The following ONECUT1 variants were observed in gnomAD, a reference collection of about 807,000 sequenced individuals.
ONECUT1 encodes the protein hepatocyte nuclear factor 6.
In ONECUT1, 12 loss-of-function variants were observed where a neutral mutation model predicts 25.6. The ratio of observed to expected loss-of-function variants is 0.47; its 90% CI spans 0.30 to 0.76. The LOEUF is 0.76. Ranked by LOEUF, ONECUT1 falls within the 30% of genes least tolerant of loss-of-function variation. ONECUT1 has a pLI of 0.07. For synonymous variants in ONECUT1, 285 were observed against 270.2 expected (o/e 1.05, Z -0.54); for missense variants, 620 against 651.2 (o/e 0.95, Z 0.52).
intron 1 of ONECUT1, among the ~76,000 whole-genome samples, chr15:52,762,668 A>G (rs938103426): frequency 1.5e-4 from 23 of 152,198 alleles, no homozygotes; most frequent in African/African-American, 5.5e-4. Context: ...GGGCAGGGGT[A>G]TGTCTGCGAA....
chr15:52,765,139 A>G (rs948321551), intron 1 of ONECUT1, among the ~76,000 whole-genome samples: 2 of 152,242 alleles, frequency 1.3e-5, no homozygotes, highest in African/African-American at 4.8e-5. Flanking sequence ...ATCCACAGGG[A>G]TAGAAAGCAC....
intron 1 of ONECUT1, among the ~76,000 whole-genome samples, chr15:52,777,405 C>A (rs1288423044): frequency 6.6e-6 from 1 of 152,132 alleles, no homozygotes; most frequent in Admixed American, 6.6e-5. Context: ...GAATAGGACA[C>A]CCTCAGTCCA....
chr15:52,788,747 T>C lies in ONECUT1; in HGVS notation c.1105+33A>G. The C allele has an allele frequency of 6.3e-7, 1 of 1,581,284 alleles. No individual in the cohort carries two copies. Among genetic ancestry groups the C allele is most frequent in the Non-Finnish European group, 8.6e-7 (1 of 1,164,642 alleles). ...GTCCCTTCGGCTTTCGTGTACCTTA[T>C]CTCCCGCGCGCCCAGCTCCTTGGCC... On this transcript the variant is annotated intron_variant, in intron 1 of 1. Coordinates refer to ENST00000305901, the MANE Select transcript of ONECUT1 (RefSeq NM_004498.4). The surrounding 1 kb of genome is among the most constrained non-coding windows in gnomAD (Gnocchi z 4.3).
chr15:52,760,284 C>G (rs968521427), intron 1 of ONECUT1, among the ~76,000 whole-genome samples: 1 of 152,176 alleles, frequency 6.6e-6, no homozygotes, highest in Admixed American at 6.5e-5. Flanking sequence ...CTCCCAGAGG[C>G]CTACAGCCCT....
At chr15:52,783,407 G>A (rs2083853345) in intron 1 of ONECUT1, among the ~76,000 whole-genome samples, 1 of 152,258 alleles carries the variant, frequency 6.6e-6, no homozygotes, top group Non-Finnish European at 1.5e-5. Flanking sequence ...AACTTTAGCT[G>A]TTAATTTTTG....
At position 52,789,785 on chromosome 15, in the gene ONECUT1, C is replaced by A. The variant is rs1259000697; in HGVS notation, c.100G>T (p.Ala34Ser). Reference protein sequence around the residue: ...PADLLGGSPHARSSVAHRGSH... With the variant: ...PADLLGGSPHSRSSVAHRGSH... ...CCGCGGTGCGCCACGGAGCTGCGCGCGTGGGGGCTGCCGCCCAGCAGGTCG... is the reference window on the plus strand; with the variant it reads ...CCGCGGTGCGCCACGGAGCTGCGCGAGTGGGGGCTGCCGCCCAGCAGGTCG... Residue 34 changes from alanine to serine, a missense_variant, in exon 1 of 2, where the codon GCG becomes TCG. By Grantham distance (99) the Ala-to-Ser change is moderately conservative. This residue lies in a region of ONECUT1 where 440 missense variants were observed against 404.9 expected (regional missense o/e 1.09). Coordinates refer to ENST00000305901, the MANE Select transcript of ONECUT1 (RefSeq NM_004498.4). The surrounding 1 kb of genome is among the most constrained non-coding windows in gnomAD (Gnocchi z 4.1). 2.8e-6 allele frequency: 4 copies of A among 1,446,298 alleles called. No homozygotes were observed. The highest frequency in any genetic ancestry group is 5.7e-5 in the Admixed American group (2 of 35,136). 89.6% of individuals were successfully genotyped at this position (1,446,298 alleles called of 1,614,324 possible). A position where few individuals can be genotyped will look rare whatever the true frequency, so the allele number is the denominator to read the frequency against.
chr15:52,780,566 A>C (rs1596055233), intron 1 of ONECUT1: 4 of 1,532,526 alleles, frequency 2.6e-6, no homozygotes, highest in Non-Finnish European at 3.5e-6. Context: ...AATGAATTGA[A>C]AGGACATTTA....
chr15:52,758,310 C>T (rs1391120013), intron 1 of ONECUT1, among the ~76,000 whole-genome samples: 1 of 152,072 alleles, frequency 6.6e-6, no homozygotes, highest in East Asian at 1.9e-4. Flanking sequence ...TGGTTGTAGC[C>T]CTCAAAGGGT....
intron 1 of ONECUT1, among the ~76,000 whole-genome samples, chr15:52,783,452 T>A (rs528660390): frequency 1.3e-5 from 2 of 152,356 alleles, no homozygotes; most frequent in African/African-American, 4.8e-5. Context: ...ACATTCTATC[T>A]GCCTACCGGG....
At chr15:52,777,726 AC>A (rs1566992328) in intron 1 of ONECUT1, among the ~76,000 whole-genome samples, 19 of 119,948 alleles carry the variant, frequency 1.6e-4, no homozygotes, top group East Asian at 1.2e-3. Flanking sequence ...ACACACACAC[AC>A]ACACACACAC....
At chr15:52,767,516 T>C (rs1482610070) in intron 1 of ONECUT1, among the ~76,000 whole-genome samples, 1 of 152,166 alleles carries the variant, frequency 6.6e-6, no homozygotes, top group East Asian at 1.9e-4. Flanking sequence ...GAGCACAGCC[T>C]CATCAGTTTT....
At chr15:52,776,192 A>G (rs781695860) in intron 1 of ONECUT1, among the ~76,000 whole-genome samples, 1 of 152,246 alleles carries the variant, frequency 6.6e-6, no homozygotes, top group Non-Finnish European at 1.5e-5. Context: ...AACTGATTGG[A>G]TGCCTCAAAT....
chr15:52,781,747 A>G (rs2083842679), intron 1 of ONECUT1, among the ~76,000 whole-genome samples: 1 of 152,240 alleles, frequency 6.6e-6, no homozygotes, highest in African/African-American at 2.4e-5. Flanking sequence ...CACGTCCTGT[A>G]CCAATTACAT....
At chr15:52,783,527 A>G (rs550692025) in intron 1 of ONECUT1, among the ~76,000 whole-genome samples, 1 of 152,358 alleles carries the variant, frequency 6.6e-6, no homozygotes, top group African/African-American at 2.4e-5. Flanking sequence ...ACTCCGCGCC[A>G]GGGCTCCAGA....
At chr15:52,783,379 C>A (rs2083853184) in intron 1 of ONECUT1, among the ~76,000 whole-genome samples, 1 of 152,244 alleles carries the variant, frequency 6.6e-6, no homozygotes, top group Non-Finnish European at 1.5e-5. Flanking sequence ...CTGGGCCTAG[C>A]GCCCTAAGAA....
intron 1 of ONECUT1, among the ~76,000 whole-genome samples, chr15:52,768,436 A>G (rs944563217): frequency 3.3e-5 from 5 of 152,218 alleles, no homozygotes; most frequent in Non-Finnish European, 7.3e-5. Context: ...TTATTCCATC[A>G]GTATCCCTCA....
intron 1 of ONECUT1, among the ~76,000 whole-genome samples, chr15:52,779,829 A>T (rs556582115): frequency 7.2e-5 from 11 of 152,322 alleles, no homozygotes; most frequent in Admixed American, 3.3e-4. Flanking sequence ...AAAAGAGACC[A>T]ATCTTCAGCA....
intron 1 of ONECUT1, among the ~76,000 whole-genome samples, chr15:52,775,345 GGCA>G (rs2083792994): frequency 1.3e-5 from 2 of 152,040 alleles, no homozygotes; most frequent in African/African-American, 4.8e-5. Context: ...CTTCTAGGGA[GGCA>G]ATTTTCTGGC....
intron 1 of ONECUT1, among the ~76,000 whole-genome samples, chr15:52,764,197 A>T (rs1398508858): frequency 6.6e-6 from 1 of 152,244 alleles, no homozygotes; most frequent in Non-Finnish European, 1.5e-5. Context: ...TTGGCCTGGG[A>T]GGCATTAATA....
Sources: gnomAD v4.1 joint callset for allele counts (sites outside exome capture counted in the v4.1 genomes callset) on GRCh38, gnomAD v4.1.1 for gene constraint, gnomAD v4.1.1 regional missense constraint, Gnocchi (gnomAD v3.1) non-coding constraint, MANE v1.5 for transcripts, NCBI Gene and HGNC (gene_info 2026-07-23, HGNC 2026-07-21) for gene names.